ABI3BP: variants seen among roughly 807,000 people sequenced by gnomAD.
ABI3BP encodes target of Nesh-SH3.
In ABI3BP, 216 loss-of-function variants were observed where a neutral mutation model predicts 268.6. That is an observed-to-expected ratio of 0.80 (90% CI 0.72 to 0.90). The LOEUF is 0.90. Ranked by LOEUF, ABI3BP falls within the 40% of genes least tolerant of loss-of-function variation. ABI3BP has a pLI of 0.00. For synonymous variants in ABI3BP, 730 were observed against 730.0 expected (o/e 1.00, Z 0.00); for missense variants, 2,090 against 2,182.4 (o/e 0.96, Z 0.84).
intron 6 of ABI3BP, among the ~76,000 whole-genome samples, chr3:100,880,224 C>T (rs2099213003): frequency 6.6e-6 from 1 of 152,194 alleles, no homozygotes; most frequent in African/African-American, 2.4e-5. Flanking sequence ...CGCAGGCTCC[C>T]ACACTGTTTT....
At chr3:100,900,118 T>C (rs983214413) in intron 3 of ABI3BP, among the ~76,000 whole-genome samples, 3 of 152,242 alleles carry the variant, frequency 2.0e-5, no homozygotes, top group Non-Finnish European at 4.4e-5. Flanking sequence ...ATGTTTGAAA[T>C]AAGTTTCAAA....
chr3:100,822,583 G>A lies in ABI3BP; in HGVS notation c.2887+6C>T. ...GGACTCTTTAAACCAGGAACACATA[G>A]TTTACCTGGTTTGGATTCAGGTGCT... On this transcript the variant is annotated splice_donor_region_variant and intron_variant, in intron 38 of 67. Transcript: ENST00000471714. 1 of 1,535,952 alleles carries A rather than the reference G, an allele frequency of 6.5e-7. No individual in the cohort carries two copies. The highest frequency in any genetic ancestry group is 8.7e-7 in the Non-Finnish European group (1 of 1,146,460).
At chr3:100,805,089 T>G (rs1249552119) in intron 50 of ABI3BP, among the ~76,000 whole-genome samples, 1 of 152,082 alleles carries the variant, frequency 6.6e-6, no homozygotes, top group East Asian at 1.9e-4. Flanking sequence ...AACTGCAAAA[T>G]TTCAAATTAC....
intron 4 of ABI3BP, 135 bp downstream of exon 4, chr3:100,898,627 C>A: frequency 1.0e-6 from 1 of 975,990 alleles, no homozygotes; most frequent in South Asian, 2.1e-5. Context: ...AAGGGCAGGG[C>A]CCCTGACTTT....
chr3:100,794,787 A>G, intron 54 of ABI3BP, 136 bp downstream of exon 54: 1 of 647,380 alleles, frequency 1.5e-6, no homozygotes, highest in Non-Finnish European at 2.7e-6. Context: ...CAGTTAATGT[A>G]AAAGTATTGA....
At chr3:100,843,049 C>T (rs960713815) in intron 20 of ABI3BP, among the ~76,000 whole-genome samples, 9 of 151,970 alleles carry the variant, frequency 5.9e-5, no homozygotes, top group African/African-American at 1.9e-4. Context: ...GAATACGTAG[C>T]GACTAAAAAA....
chr3:100,914,729 G>A (rs77577600), intron 2 of ABI3BP, among the ~76,000 whole-genome samples: 4,234 of 152,272 alleles, frequency 0.028, 74 homozygotes, highest in Non-Finnish European at 0.044. Context: ...AACGTTAAAG[G>A]GGGGAAAGAG....
rs180701245 is a variant in ABI3BP at position 100,882,462 on chromosome 3, T to A, written c.696+3074A>T. 3.0e-3 allele frequency among the ~76,000 whole-genome samples: 449 copies of A among 148,838 alleles called. 1 individual carries two copies. The highest frequency in any genetic ancestry group is 6.6e-3 in the African/African-American group (267 of 40,430). ...ATATATATAATATATATATATATATTTTTTTTGCTGTCCAGAAGGAAACAA... is the reference window on the plus strand; with the variant it reads ...ATATATATAATATATATATATATATATTTTTTGCTGTCCAGAAGGAAACAA... On this transcript the variant is annotated intron_variant, in intron 6 of 67. Transcript: ENST00000471714.
chr3:100,910,454 G>T (rs552340809), intron 2 of ABI3BP, among the ~76,000 whole-genome samples: 1 of 151,862 alleles, frequency 6.6e-6, no homozygotes, highest in South Asian at 2.1e-4. Context: ...GAATTTTAAT[G>T]ACTTCGATAA....
At chr3:100,823,692 G>A (rs75548501) in intron 36 of ABI3BP, among the ~76,000 whole-genome samples, 178 bp from the exon 37 acceptor site, 5,080 of 152,220 alleles carry the variant, frequency 0.033, 132 homozygotes, top group Non-Finnish European at 0.051. Context: ...CAAACTATAG[G>A]CATGGTGAGT....
Position 100,844,752 on chromosome 3 carries a change from G to A in ABI3BP, c.1723+1620C>T, listed in dbSNP as rs2098748325. On this transcript the variant is annotated intron_variant, in intron 20 of 67. Coordinates refer to ENST00000471714, the MANE Select transcript of ABI3BP (RefSeq NM_001375547.2). ...GGGCACAGGCCTAGGTGTGGATTCT[G>A]AAGTCATTACATTGCTGTTAGAGGA... Among the ~76,000 whole-genome samples, 5 of 152,230 alleles carry A rather than the reference G, an allele frequency of 3.3e-5. No homozygotes were observed. In the South Asian group the frequency reaches 1.0e-3, roughly 31 times the overall value.
At chr3:100,864,494 C>T (rs959427185) in intron 11 of ABI3BP, 1 of 318,074 alleles carries the variant, frequency 3.1e-6, no homozygotes, top group African/African-American at 2.1e-5. Context: ...AGCACAGAGT[C>T]AAGACTTCCA....
chr3:100,978,889 T>C (rs1008771966), intron 1 of ABI3BP, among the ~76,000 whole-genome samples: 8 of 152,162 alleles, frequency 5.3e-5, no homozygotes, highest in Admixed American at 5.2e-4. Flanking sequence ...CCAGAACAAC[T>C]GAATCAGAAT....
chr3:100,872,265 A>G (rs932415100), intron 9 of ABI3BP, among the ~76,000 whole-genome samples: 2 of 152,250 alleles, frequency 1.3e-5, no homozygotes, highest in Non-Finnish European at 2.9e-5. Flanking sequence ...TTATTAAAAT[A>G]ACACTTAATT....
Position 100,789,528 on chromosome 3 carries a change from G to A in ABI3BP, c.4025-12C>T, listed in dbSNP as rs1322662154. 3 of 1,581,550 alleles carry A rather than the reference G, an allele frequency of 1.9e-6. No homozygotes were observed. The highest frequency in any genetic ancestry group is 1.2e-5 in the South Asian group (1 of 86,398). On this transcript the variant is annotated splice_polypyrimidine_tract_variant and intron_variant, in intron 55 of 67. Transcript: ENST00000471714. ...AAATCTGTGTGGCGCTGAAACAGAGGAACACTTTATATTTAATAACCAACA... is the reference window on the plus strand; with the variant it reads ...AAATCTGTGTGGCGCTGAAACAGAGAAACACTTTATATTTAATAACCAACA...
At chr3:100,896,501 C>G (rs2047768579) in intron 4 of ABI3BP, among the ~76,000 whole-genome samples, 1 of 152,156 alleles carries the variant, frequency 6.6e-6, no homozygotes. Context: ...CACAAGTTTG[C>G]CAGGTTACTA....
chr3:100,947,421 C>T (rs958045101), intron 1 of ABI3BP, among the ~76,000 whole-genome samples: 1 of 152,104 alleles, frequency 6.6e-6, no homozygotes, highest in Non-Finnish European at 1.5e-5. Context: ...AAAAATCTTC[C>T]TGACTTTAAA....
Position 100,804,789 on chromosome 3 carries a change from T to C in ABI3BP, c.3757+3A>G. On this transcript the variant is annotated splice_donor_region_variant and intron_variant, in intron 51 of 67. Transcript: ENST00000471714. ...TGGCTTAAACATGAAATAAAGCATT[T>C]ACCAGGTGTGGTGTATGACACTTCT... 2 of 1,612,378 alleles carry C rather than the reference T, an allele frequency of 1.2e-6. No homozygotes were observed. The highest frequency in any genetic ancestry group is 1.7e-6 in the Non-Finnish European group (2 of 1,178,620).
At chr3:100,900,723 T>C (rs2049907759) in intron 3 of ABI3BP, among the ~76,000 whole-genome samples, 1 of 152,194 alleles carries the variant, frequency 6.6e-6, no homozygotes, top group Non-Finnish European at 1.5e-5. Flanking sequence ...AGCTAATCCC[T>C]TAGTCATTAC....
Sources: allele counts gnomAD v4.1 joint callset (sites outside exome capture counted in the v4.1 genomes callset), GRCh38; gene constraint gnomAD v4.1.1; transcripts MANE v1.5; gene names NCBI Gene and HGNC (gene_info 2026-07-23, HGNC 2026-07-21).